ASPH: variants seen among roughly 807,000 people sequenced by gnomAD.
ASPH encodes aspartyl/asparaginyl beta-hydroxylase.
Under a neutral mutation model 118.4 loss-of-function variants are expected in ASPH, and 100 were observed. That is an observed-to-expected ratio of 0.84 (90% confidence interval 0.72 to 1.00). ASPH has a LOEUF of 1.00. Among genes scored for constraint, ASPH ranks in the 50% least tolerant of loss-of-function variants. The pLI is 0.00. For missense variants in ASPH, 920 were observed against 919.5 expected (o/e 1.00, Z -0.01); for synonymous variants, 315 against 325.6 (o/e 0.97, Z 0.35).
intron 11 of ASPH, 98 bp downstream of exon 11, chr8:61,638,223 AT>A: frequency 6.9e-7 from 1 of 1,448,988 alleles, no homozygotes; most frequent in Non-Finnish European, 9.4e-7. Context: ...AATGTCTTGC[AT>A]TTTTTCTACA....
At position 61,584,109 on chromosome 8, in the gene ASPH, G is replaced by C. The variant is rs1016679675; in HGVS notation, c.977-80C>G. Reference sequence around the variant, plus strand: ...TAAGCATAACAATTTACAAGTAGTGGGAAACCTGATGCTGGTCTCCACCAA... The same window carrying C: ...TAAGCATAACAATTTACAAGTAGTGCGAAACCTGATGCTGGTCTCCACCAA... On this transcript the variant is annotated intron_variant, in intron 14 of 24. Transcript: ENST00000379454. 1.3e-5 allele frequency: 12 copies of C among 892,206 alleles called. No homozygotes were observed. The African/African-American group carries it at 2.1e-4, about 15-fold the overall frequency. The allele number at this position is 892,206 out of a possible 1,614,324, so 55.3% of individuals were successfully genotyped here. A position where few individuals can be genotyped will look rare whatever the true frequency, so the allele number is the denominator to read the frequency against.
intron 2 of ASPH, among the ~76,000 whole-genome samples, 170 bp from the exon 3 acceptor site, chr8:61,681,206 T>G (rs186639438): frequency 9.9e-5 from 15 of 151,922 alleles, no homozygotes; most frequent in Non-Finnish European, 2.2e-4. Context: ...TACCTAAAAA[T>G]AGCGAGCAAT....
intron 11 of ASPH, 145 bp from the exon 12 acceptor site, chr8:61,638,148 C>A: frequency 8.8e-7 from 1 of 1,139,946 alleles, no homozygotes. Context: ...GGGTCTTCTG[C>A]AGAGTATTTA....
intron 3 of ASPH, chr8:61,664,238 G>T (rs754168495): frequency 4.1e-6 from 4 of 964,182 alleles, no homozygotes; most frequent in Non-Finnish European, 4.9e-6. Context: ...GATCTCTAGT[G>T]AAGAGATTAC....
chr8:61,695,395 T>C (rs1185064225), intron 1 of ASPH, among the ~76,000 whole-genome samples: 2 of 152,230 alleles, frequency 1.3e-5, no homozygotes, highest in Non-Finnish European at 2.9e-5. Context: ...GTCTTAGTGT[T>C]GTGTCACCCC....
chr8:61,624,712 G>A lies in ASPH; in HGVS notation c.935-5693C>T, dbSNP rs183685053. 4.5e-5 allele frequency: 44 copies of A among 985,490 alleles called. No individual in the cohort carries two copies. In the South Asian group the frequency reaches 1.7e-3, roughly 38 times the overall value. 61.0% of individuals were successfully genotyped at this position (985,490 alleles called of 1,614,324 possible). ...AACCACAGCATAATGAATCCTCAAC[G>A]TCCAGAGTTCTACAAAAATCCAGCA... On this transcript the variant is annotated intron_variant, in intron 13 of 24. Coordinates refer to ENST00000379454, the MANE Select transcript of ASPH (RefSeq NM_004318.4).
intron 1 of ASPH, among the ~76,000 whole-genome samples, chr8:61,710,640 A>T (rs929461032): frequency 3.9e-5 from 6 of 152,224 alleles, no homozygotes; most frequent in South Asian, 2.1e-4. Context: ...AACTGAACAC[A>T]AAATAGCTGA....
chr8:61,531,059 T>A (rs929095695), intron 21 of ASPH, among the ~76,000 whole-genome samples: 4 of 152,258 alleles, frequency 2.6e-5, no homozygotes, highest in African/African-American at 9.6e-5. Flanking sequence ...ATACTTGAGT[T>A]GTAATGATTA....
At chr8:61,625,321 A>T (rs1852353871) in intron 13 of ASPH, 1 of 985,720 alleles carries the variant, frequency 1.0e-6, no homozygotes. Context: ...ACACATCCTC[A>T]ATCAACCCAG....
In ASPH at chr8:61,629,877, T is replaced by C. The variant is rs998377491; in HGVS notation, c.934+3806A>G. Among the ~76,000 whole-genome samples, 7 of 152,156 alleles carry C rather than the reference T, an allele frequency of 4.6e-5. No individual in the cohort carries two copies. In the East Asian group the frequency reaches 1.3e-3, roughly 29 times the overall value. On this transcript the variant is annotated intron_variant, in intron 13 of 24. Coordinates refer to ENST00000379454, the MANE Select transcript of ASPH (RefSeq NM_004318.4). ...GGACTCTGGAGCCAGAATGCAAGGATCAATCCGATTTCTACCACTTGTCAG... is the reference window on the plus strand; with the variant it reads ...GGACTCTGGAGCCAGAATGCAAGGACCAATCCGATTTCTACCACTTGTCAG...
At chr8:61,522,274 T>C (rs1275394450) in intron 22 of ASPH, among the ~76,000 whole-genome samples, 1 of 152,202 alleles carries the variant, frequency 6.6e-6, no homozygotes, top group Non-Finnish European at 1.5e-5. Context: ...ATCAGTTCGC[T>C]AGGGCTGCCA....
At chr8:61,584,684 T>C (rs1168414252) in intron 14 of ASPH, among the ~76,000 whole-genome samples, 1 of 151,500 alleles carries the variant, frequency 6.6e-6, no homozygotes, top group African/African-American at 2.4e-5. Flanking sequence ...TTCTTTTTTT[T>C]TTTCTGTAGA....
At position 61,501,185 on chromosome 8, in the gene ASPH, T is replaced by TATG. The variant is rs2129609540; in HGVS notation, c.*2171_*2173dup. On this transcript the variant is annotated 3_prime_UTR_variant, in exon 25 of 25. Transcript: ENST00000379454. ...AATGCAGTGATGGAAACACTTTTCT[T>TATG]ATGTACCAAGACATAGATAGGTAAG... The TATG allele has an allele frequency of 6.6e-6, 1 of 152,316 alleles. No homozygotes were observed. Among genetic ancestry groups the TATG allele is most frequent in the South Asian group, 2.1e-4 (1 of 4,830 alleles). The allele number at this position is 152,316 out of a possible 1,614,324, so 9.4% of individuals were successfully genotyped here.
intron 1 of ASPH, among the ~76,000 whole-genome samples, chr8:61,700,461 A>T (rs1834969442): frequency 1.3e-5 from 2 of 152,220 alleles, no homozygotes; most frequent in Non-Finnish European, 1.5e-5. Context: ...GATGGTCAAG[A>T]TCCTCTGCTA....
intron 14 of ASPH, among the ~76,000 whole-genome samples, chr8:61,603,397 C>A (rs185079671): frequency 6.6e-6 from 1 of 152,134 alleles, no homozygotes; most frequent in Admixed American, 6.5e-5. Flanking sequence ...GAACTTCCTG[C>A]AGAATCTTGT....
intron 18 of ASPH, among the ~76,000 whole-genome samples, chr8:61,558,539 T>C (rs1828690181): frequency 6.6e-6 from 1 of 152,142 alleles, no homozygotes; most frequent in South Asian, 2.1e-4. Flanking sequence ...GTCTCTCAAA[T>C]AGTGTGAAAC....
At chr8:61,647,658 G>A (rs1257787958) in intron 5 of ASPH, among the ~76,000 whole-genome samples, 1 of 151,884 alleles carries the variant, frequency 6.6e-6, no homozygotes, top group Non-Finnish European at 1.5e-5. Context: ...GTGACACAGT[G>A]AGACTCTGTC....
chr8:61,644,448 A>T, intron 7 of ASPH, 152 bp downstream of exon 7: 1 of 580,322 alleles, frequency 1.7e-6, no homozygotes, highest in East Asian at 3.8e-5. Context: ...ACAAAGAAAT[A>T]CCATAAATAT....
intron 3 of ASPH, among the ~76,000 whole-genome samples, chr8:61,679,762 A>G (rs1430668436): frequency 6.6e-6 from 1 of 151,826 alleles, no homozygotes; most frequent in Non-Finnish European, 1.5e-5. Context: ...AGTTCTACAT[A>G]ATTTTGTTTC....
Sources: gnomAD v4.1 joint callset for allele counts (sites outside exome capture counted in the v4.1 genomes callset) on GRCh38, gnomAD v4.1.1 for gene constraint, MANE v1.5 for transcripts, NCBI Gene and HGNC (gene_info 2026-07-23, HGNC 2026-07-21) for gene names.